PHF6: variants seen among roughly 807,000 people sequenced by gnomAD.
The protein encoded by PHF6 is PHD finger protein 6.
Under a neutral mutation model 34.0 loss-of-function variants are expected in PHF6, and 7 were observed. That is an observed-to-expected ratio of 0.21 (90% CI 0.12 to 0.39). The LOEUF is 0.39. PHF6 is among the 10% of genes least tolerant of loss of function. The probability of loss-of-function intolerance (pLI) is 1.00; values close to 1 mark genes in which losing one functional copy is unlikely to be tolerated. For missense variants in PHF6, 128 were observed against 262.8 expected, an observed-to-expected ratio of 0.49 and a Z score of 3.55; for synonymous variants, 89 against 88.4, an observed-to-expected ratio of 1.01 and a Z score of -0.04.
At chrX:134,380,351 G>A (rs904522984) in intron 3 of PHF6, among the ~76,000 whole-genome samples, 1 of 109,656 alleles carries the variant, frequency 9.1e-6, no homozygotes, top group Admixed American at 9.7e-5. Flanking sequence ...TTTCACCTTG[G>A]TCTCAATCTC....
At chrX:134,397,150 A>G (rs1322225709) in intron 5 of PHF6, among the ~76,000 whole-genome samples, 1 of 112,133 alleles carries the variant, frequency 8.9e-6, no homozygotes, top group African/African-American at 3.2e-5. Flanking sequence ...TTGAATATTA[A>G]ATACCTAAAA....
intron 3 of PHF6, among the ~76,000 whole-genome samples, chrX:134,389,119 A>AT (rs747686678): frequency 1.8e-5 from 2 of 111,520 alleles, no homozygotes; most frequent in South Asian, 3.7e-4. Context: ...AGCAAACTGA[A>AT]TAGGGGAGTG....
At position 134,378,002 on chromosome X, in the gene PHF6, T is replaced by C; in HGVS notation, c.139-3T>C. 8.5e-7 allele frequency: 1 copy of C among 1,171,796 alleles called. No homozygotes were observed. Among genetic ancestry groups the C allele is most frequent in the Non-Finnish European group, 1.2e-6 (1 of 868,042 alleles). ...CTTAATTTTTTTTAAATGTAATTTA[T>C]AGCTCTTTTCATCTGCTTTGGTATC... On this transcript the variant is annotated splice_polypyrimidine_tract_variant and splice_region_variant and intron_variant, in intron 2 of 10. Transcript: ENST00000370803.
chrX:134,401,909 A>T (rs763010481), intron 5 of PHF6, among the ~76,000 whole-genome samples: 6 of 112,510 alleles, frequency 5.3e-5, no homozygotes, highest in South Asian at 3.7e-4. Flanking sequence ...AAAGTATCTT[A>T]AAAATGTTAT....
chrX:134,384,600 C>T (rs919427934), intron 3 of PHF6, among the ~76,000 whole-genome samples: 4 of 109,186 alleles, frequency 3.7e-5, no homozygotes, highest in Non-Finnish European at 5.7e-5. Flanking sequence ...ATATCAGTCA[C>T]GTCAATTCTA....
chrX:134,419,275 C>G (rs1188021932), intron 9 of PHF6: 1 of 111,252 alleles, frequency 9.0e-6, no homozygotes, highest in South Asian at 3.8e-4. Flanking sequence ...ATAATCTCAA[C>G]ACTTTGGGAG....
At chrX:134,385,747 C>G (rs1418975132) in intron 3 of PHF6, among the ~76,000 whole-genome samples, 2 of 110,898 alleles carry the variant, frequency 1.8e-5, no homozygotes, top group Non-Finnish European at 3.8e-5. Context: ...TATTTTTTTT[C>G]CAGAGAGTAG....
intron 10 of PHF6, 121 bp downstream of exon 10, chrX:134,425,451 G>C: frequency 1.1e-6 from 1 of 877,029 alleles, no homozygotes; most frequent in Non-Finnish European, 1.6e-6. Flanking sequence ...TTAAGAGCAT[G>C]TTACTAAAAT....
rs750243844 is a variant in PHF6, at chrX:134,378,116, T to C, written c.240+10T>C. 2 of 1,096,174 alleles carry C rather than the reference T, an allele frequency of 1.8e-6. No homozygotes were observed. The highest frequency in any genetic ancestry group is 2.5e-6 in the Non-Finnish European group (2 of 795,439). 90.3% of individuals were successfully genotyped at this position (1,096,174 alleles called of 1,213,427 possible). A position where few individuals can be genotyped will look rare whatever the true frequency, so the allele number is the denominator to read the frequency against. ...AAGAGGCACGAAGCTGGTAAGTTGG[T>C]ATTTCTGCCTCTTGAGAATAAAAAT... On this transcript the variant is annotated intron_variant, in intron 3 of 10. Coordinates refer to ENST00000370803, the MANE Select transcript of PHF6 (RefSeq NM_001015877.2).
chrX:134,409,654 CT>C (rs778317563), intron 5 of PHF6, among the ~76,000 whole-genome samples: 251 of 101,193 alleles, frequency 2.5e-3, no homozygotes, highest in Middle Eastern at 4.9e-3. Flanking sequence ...TTTATTGTAC[CT>C]TTTTTTTTTT....
At chrX:134,391,217 G>A (rs1286386452) in intron 3 of PHF6, among the ~76,000 whole-genome samples, 1 of 110,474 alleles carries the variant, frequency 9.1e-6, no homozygotes, top group African/African-American at 3.3e-5. Context: ...CAGGTGATGC[G>A]CCCGTCTCAG....
At chrX:134,419,354 T>C (rs1459491611) in intron 9 of PHF6, 1 of 109,664 alleles carries the variant, frequency 9.1e-6, no homozygotes, top group Non-Finnish European at 1.9e-5. Context: ...GAGACTCTCA[T>C]CTCTATATAA....
At chrX:134,417,347 C>T (rs375041326) in intron 9 of PHF6, 45 bp downstream of exon 9, 480 of 1,167,951 alleles carry the variant, frequency 4.1e-4, no homozygotes, top group Admixed American at 5.7e-4. Context: ...TGTTAGTAAC[C>T]GTCCTTAAAT....
At chrX:134,407,938 T>C (rs1189197437) in intron 5 of PHF6, among the ~76,000 whole-genome samples, 1 of 111,777 alleles carries the variant, frequency 8.9e-6, no homozygotes, top group Non-Finnish European at 1.9e-5. Flanking sequence ...TCACTTTTTT[T>C]ACATTTTTAT....
intron 3 of PHF6, among the ~76,000 whole-genome samples, chrX:134,392,801 ATTTTTTT>A (rs749412474): frequency 2.1e-5 from 2 of 97,446 alleles, no homozygotes; most frequent in African/African-American, 7.4e-5. Context: ...AATTAAGTGG[ATTTTTTT>A]TTTTTTTTTT....
intron 3 of PHF6, among the ~76,000 whole-genome samples, chrX:134,379,432 C>CTTTTTTTTTTTTTT (rs34099570): frequency 2.2e-3 from 58 of 26,247 alleles, no homozygotes; most frequent in Non-Finnish European, 2.7e-3. Context: ...CTTTTCTTTT[C>CTTTTTTTTTTTTTT]TTTTTTTTTT....
In PHF6 at chrX:134,426,970, T is replaced by C. The variant is rs2077509584; in HGVS notation, c.*1310T>C. 1 of 163,303 alleles carries C rather than the reference T, an allele frequency of 6.1e-6. No homozygotes were observed. Among genetic ancestry groups the C allele is most frequent in the South Asian group, 3.2e-4 (1 of 3,122 alleles). 13.5% of individuals were successfully genotyped at this position (163,303 alleles called of 1,213,427 possible). On this transcript the variant is annotated 3_prime_UTR_variant, in exon 11 of 11. Transcript: ENST00000370803. ...GATTTTTAAATAAGAAATAATAATG[T>C]TAACTTGACTGTACATTGAGATATT...
rs760278260 is a variant in PHF6 at position 134,417,134 on chromosome X, A to G, written c.835-35A>G. ...AGAAAATAGCTGCTGTTTTCTTGAA[A>G]TACGGCTTACGATTATTTCTCTTTC... On this transcript the variant is annotated intron_variant, in intron 8 of 10. Coordinates refer to ENST00000370803, the MANE Select transcript of PHF6 (RefSeq NM_001015877.2). 25 of 1,205,779 alleles carry G rather than the reference A, an allele frequency of 2.1e-5. No homozygotes were observed. In the East Asian group the frequency reaches 7.4e-4, roughly 36 times the overall value.
Position 134,406,994 on chromosome X carries a change from C to T in PHF6, c.419-6497C>T, listed in dbSNP as rs2077427926. 3.6e-5 allele frequency among the ~76,000 whole-genome samples: 4 copies of T among 111,837 alleles called. No individual in the cohort carries two copies. In the South Asian group the frequency reaches 1.5e-3, roughly 42 times the overall value. On this transcript the variant is annotated intron_variant, in intron 5 of 10. Coordinates refer to ENST00000370803, the MANE Select transcript of PHF6 (RefSeq NM_001015877.2). Reference sequence around the variant, plus strand: ...AGCATAACTGTTCTTTTTCTAACATCCAGGAGCATATGGAAATGTGTATTT... The same window carrying T: ...AGCATAACTGTTCTTTTTCTAACATTCAGGAGCATATGGAAATGTGTATTT...
Sources: allele counts gnomAD v4.1 joint callset (sites outside exome capture counted in the v4.1 genomes callset), GRCh38; gene constraint gnomAD v4.1.1; transcripts MANE v1.5; gene names NCBI Gene and HGNC (gene_info 2026-07-23, HGNC 2026-07-21).